The following SNTG1 variants were observed in gnomAD, a reference collection of about 807,000 sequenced individuals.
SNTG1 encodes syntrophin gamma 1.
A neutral mutation model predicts 74.7 loss-of-function variants in SNTG1; 39 were observed. The ratio of observed to expected loss-of-function variants is 0.52; its 90% confidence interval spans 0.40 to 0.68. The LOEUF is 0.68. Among genes scored for constraint, SNTG1 ranks in the 30% least tolerant of loss-of-function variants. The probability of loss-of-function intolerance (pLI) is 0.00; values close to 1 mark genes in which losing one functional copy is unlikely to be tolerated. For missense variants in SNTG1, 685 were observed against 609.5 expected (o/e 1.12, Z -1.30); for synonymous variants, 254 against 217.1 (o/e 1.17, Z -1.49).
chr8:50,177,568 G>A (rs146062066), intron 2 of SNTG1, among the ~76,000 whole-genome samples: 55 of 152,276 alleles, frequency 3.6e-4, no homozygotes, highest in African/African-American at 1.2e-3. Context: ...AGAGAGGCTG[G>A]TTACAGCCAG....
intron 18 of SNTG1, among the ~76,000 whole-genome samples, chr8:50,755,527 T>C (rs2095578235): frequency 6.6e-6 from 1 of 151,932 alleles, no homozygotes; most frequent in South Asian, 2.1e-4. Flanking sequence ...TCTTTGTTAC[T>C]TCCATGTTTT....
intron 1 of SNTG1, among the ~76,000 whole-genome samples, chr8:50,029,287 GTAAT>G (rs1817545240): frequency 6.6e-6 from 1 of 152,042 alleles, no homozygotes; most frequent in Non-Finnish European, 1.5e-5. Context: ...ATCTCAATGG[GTAAT>G]AATCACAGTG....
chr8:50,665,430 A>G (rs1056335886), intron 15 of SNTG1, among the ~76,000 whole-genome samples: 9 of 151,660 alleles, frequency 5.9e-5, no homozygotes, highest in East Asian at 1.9e-4. Flanking sequence ...GTGTGTGTGC[A>G]TGCATGTATA....
intron 17 of SNTG1, among the ~76,000 whole-genome samples, chr8:50,740,792 T>C (rs1161864185): frequency 6.6e-6 from 1 of 152,016 alleles, no homozygotes; most frequent in African/African-American, 2.4e-5. Flanking sequence ...ATATACACCA[T>C]GGAATACTAA....
At chr8:50,037,965 C>G (rs903261832) in intron 1 of SNTG1, among the ~76,000 whole-genome samples, 4 of 152,178 alleles carry the variant, frequency 2.6e-5, no homozygotes, top group Admixed American at 6.5e-5. Flanking sequence ...GGCATGCCAT[C>G]TTGCCTGAAA....
chr8:49,994,457 G>C (rs548954224), intron 1 of SNTG1, among the ~76,000 whole-genome samples: 76 of 150,494 alleles, frequency 5.1e-4, no homozygotes, highest in Non-Finnish European at 2.1e-4. Context: ...TAGAGACGGG[G>C]TTTCACCATG....
intron 17 of SNTG1, among the ~76,000 whole-genome samples, chr8:50,727,711 T>C (rs1585651114): frequency 6.6e-6 from 1 of 152,170 alleles, no homozygotes; most frequent in South Asian, 2.1e-4. Context: ...GTCATTACCA[T>C]AACATCTGCT....
chr8:50,235,962 A>C (rs556384760), intron 2 of SNTG1, among the ~76,000 whole-genome samples: 32 of 152,318 alleles, frequency 2.1e-4, no homozygotes, highest in African/African-American at 7.7e-4. Flanking sequence ...CCCATAGTTA[A>C]ATAATCTCTT....
intron 17 of SNTG1, among the ~76,000 whole-genome samples, chr8:50,723,009 A>G (rs750210217): frequency 2.7e-4 from 41 of 152,224 alleles, no homozygotes; most frequent in Non-Finnish European, 4.6e-4. Flanking sequence ...CTCAACTTGC[A>G]TTTCATGGGA....
At chr8:50,606,133 C>T (rs796888823) in intron 13 of SNTG1, among the ~76,000 whole-genome samples, 10 of 152,092 alleles carry the variant, frequency 6.6e-5, no homozygotes, top group African/African-American at 2.4e-4. Flanking sequence ...GTAATTTTGT[C>T]TACTCTGGAA....
intron 2 of SNTG1, among the ~76,000 whole-genome samples, chr8:50,254,381 A>G (rs963427162): frequency 1.3e-5 from 2 of 152,174 alleles, no homozygotes; most frequent in African/African-American, 4.8e-5. Flanking sequence ...TGAAAACTCA[A>G]AGATTACTAA....
intron 2 of SNTG1, among the ~76,000 whole-genome samples, chr8:50,333,956 C>A (rs1306146468): frequency 6.6e-6 from 1 of 152,164 alleles, no homozygotes; most frequent in Non-Finnish European, 1.5e-5. Flanking sequence ...AATTTAGATT[C>A]TTGTCAAAAA....
chr8:50,057,223 T>C (rs1347801211), intron 1 of SNTG1, among the ~76,000 whole-genome samples: 2 of 152,086 alleles, frequency 1.3e-5, no homozygotes, highest in Admixed American at 1.3e-4. Flanking sequence ...CAGTTTGTCA[T>C]ATGCGTTCAT....
At chr8:50,351,749 C>T (rs1240760336) in intron 2 of SNTG1, among the ~76,000 whole-genome samples, 1 of 152,104 alleles carries the variant, frequency 6.6e-6, no homozygotes, top group Non-Finnish European at 1.5e-5. Context: ...CAGGATATGC[C>T]TGGTCTGAAA....
chr8:50,488,798 T>G (rs1296567836), intron 8 of SNTG1, among the ~76,000 whole-genome samples: 2 of 152,202 alleles, frequency 1.3e-5, no homozygotes, highest in African/African-American at 4.8e-5. Flanking sequence ...TTTATTACAC[T>G]TTAAGTTCTG....
At chr8:50,519,079 A>G (rs1396410286) in intron 9 of SNTG1, among the ~76,000 whole-genome samples, 1 of 152,222 alleles carries the variant, frequency 6.6e-6, no homozygotes, top group East Asian at 1.9e-4. Flanking sequence ...AAATGAATCC[A>G]GCAGCACATC....
At chr8:50,305,431 C>T (rs1413396353) in intron 2 of SNTG1, among the ~76,000 whole-genome samples, 2 of 151,102 alleles carry the variant, frequency 1.3e-5, no homozygotes, top group Admixed American at 6.6e-5. Flanking sequence ...TTTGGTTTTT[C>T]CAGGTTTGAT....
chr8:50,206,193 T>C (rs1014032950), intron 2 of SNTG1, among the ~76,000 whole-genome samples: 4 of 152,186 alleles, frequency 2.6e-5, no homozygotes, highest in African/African-American at 7.2e-5. Flanking sequence ...ATTCTTCCTA[T>C]CCATGACCAT....
chr8:50,506,267 G>A (rs940529523), intron 9 of SNTG1, among the ~76,000 whole-genome samples: 2 of 151,996 alleles, frequency 1.3e-5, no homozygotes, highest in African/African-American at 4.8e-5. Context: ...TGTATCTTGA[G>A]TTCAGAAAGT....
Sources: allele counts gnomAD v4.1 joint callset (sites outside exome capture counted in the v4.1 genomes callset), GRCh38; gene constraint gnomAD v4.1.1; transcripts MANE v1.5; gene names NCBI Gene and HGNC (gene_info 2026-07-23, HGNC 2026-07-21).